CNTNAP4: variants seen among roughly 807,000 people sequenced by gnomAD.
CNTNAP4 encodes the protein contactin-associated protein-like 4.
A neutral mutation model predicts 148.4 loss-of-function variants in CNTNAP4; 98 were observed. That is an observed-to-expected ratio of 0.66 (90% CI 0.56 to 0.78). CNTNAP4 has a LOEUF of 0.78. Among genes scored for constraint, CNTNAP4 ranks in the 30% least tolerant of loss-of-function variants. The pLI, the probability that CNTNAP4 is intolerant of heterozygous loss-of-function variation, is 0.00. For missense variants in CNTNAP4, 1,935 were observed against 1,565.6 expected (o/e 1.24, Z -3.98); for synonymous variants, 730 against 565.1 (o/e 1.29, Z -4.14).
chr16:76,432,800 C>G (rs139488885), intron 4 of CNTNAP4, among the ~76,000 whole-genome samples: 2 of 152,198 alleles, frequency 1.3e-5, no homozygotes, highest in East Asian at 3.9e-4. Flanking sequence ...ATTTTGCAGC[C>G]TATGATCATC....
rs1258382929 is a variant in CNTNAP4 at position 76,522,090 on chromosome 16, T to C, written c.2588T>C (p.Ile863Thr). Reference sequence around the variant, plus strand: ...GATGTGGGGAATGGGCCTTTTGAAATCTCAGTGCAGTCACCCACCCACTTC... The same window carrying C: ...GATGTGGGGAATGGGCCTTTTGAAACCTCAGTGCAGTCACCCACCCACTTC... ...SFDVGNGPFE[I>T]SVQSPTHFND... is the part of the protein sequence containing the mutation. The change falls in exon 17 of 24, where the codon ATC becomes ACC. Residue 863 changes from isoleucine (I) to threonine (T), a missense_variant. Coordinates refer to ENST00000611870, the MANE Select transcript of CNTNAP4 (RefSeq NM_033401.5). The C allele has an allele frequency of 6.2e-7, 1 of 1,613,770 alleles. No homozygotes were observed. The highest frequency in any genetic ancestry group is 8.5e-7 in the Non-Finnish European group (1 of 1,179,870).
At position 76,341,365 on chromosome 16, in the gene CNTNAP4, A is replaced by G. The variant is rs539508452; in HGVS notation, c.197-13953A>G. On this transcript the variant is annotated intron_variant, in intron 2 of 23. Coordinates refer to ENST00000611870, the MANE Select transcript of CNTNAP4 (RefSeq NM_033401.5). ...CCCCCACCCAGTGACAAGCTGATAA[A>G]CAGTGAAATTATTTTTTAATTGAGT... Among the ~76,000 whole-genome samples the G allele has an allele frequency of 2.2e-4, 33 of 152,286 alleles. No individual in the cohort carries two copies. In the East Asian group the frequency reaches 3.5e-3, roughly 16 times the overall value.
In CNTNAP4 at chr16:76,535,713, G is replaced by T. The variant is rs1321961369; in HGVS notation, c.2924G>T (p.Cys975Phe). The change falls in exon 18 of 24, where the codon TGC becomes TTC. Residue 975 changes from cysteine (C) to phenylalanine (F), a missense_variant. Physicochemically the swap from Cys to Phe is radical, Grantham distance 205 (BLOSUM62 -2). Transcript: ENST00000611870. ...YGKLCRNGGK[C>F]RERPIGFFCD... ...AAGTTATGCCGCAATGGAGGGAAATGCAGAGAAAGACCCATTGGGTTCTTT... is the reference window on the plus strand; with the variant it reads ...AAGTTATGCCGCAATGGAGGGAAATTCAGAGAAAGACCCATTGGGTTCTTT... 1 of 1,613,958 alleles carries T rather than the reference G, an allele frequency of 6.2e-7. No individual in the cohort carries two copies. Among genetic ancestry groups the T allele is most frequent in the South Asian group, 1.1e-5 (1 of 91,084 alleles).
chr16:76,511,294 A>G (rs956629731), intron 15 of CNTNAP4, among the ~76,000 whole-genome samples: 4 of 152,188 alleles, frequency 2.6e-5, no homozygotes, highest in African/African-American at 7.2e-5. Context: ...GTTCCAAAAA[A>G]TTCTTGAGTC....
At chr16:76,311,476 TC>T (rs1228883661) in intron 1 of CNTNAP4, among the ~76,000 whole-genome samples, 1 of 152,220 alleles carries the variant, frequency 6.6e-6, no homozygotes, top group African/African-American at 2.4e-5. Context: ...CATATTTTTT[TC>T]TAATGTGGAT....
At chr16:76,548,404 C>T (rs150670617) in intron 21 of CNTNAP4, among the ~76,000 whole-genome samples, 35 of 144,362 alleles carry the variant, frequency 2.4e-4, no homozygotes, top group Middle Eastern at 3.8e-3. Context: ...TAAAGTACTT[C>T]GTTTTCTGAG....
chr16:76,450,275 G>A (rs1301511068), intron 7 of CNTNAP4, among the ~76,000 whole-genome samples: 1 of 151,934 alleles, frequency 6.6e-6, no homozygotes, highest in African/African-American at 2.4e-5. Flanking sequence ...TCAGCCTCCT[G>A]AGTAGCTGGG....
intron 14 of CNTNAP4, among the ~76,000 whole-genome samples, chr16:76,497,267 G>T (rs1042530962): frequency 6.6e-6 from 1 of 152,046 alleles, no homozygotes; most frequent in Non-Finnish European, 1.5e-5. Flanking sequence ...TGTGTGGAGG[G>T]GAGCAGCGTT....
intron 4 of CNTNAP4, among the ~76,000 whole-genome samples, chr16:76,434,751 C>T (rs1470453412): frequency 6.6e-6 from 1 of 152,202 alleles, no homozygotes; most frequent in Non-Finnish European, 1.5e-5. Flanking sequence ...ACCTCCCAGC[C>T]AGGAAGCCAA....
intron 17 of CNTNAP4, among the ~76,000 whole-genome samples, chr16:76,534,567 T>C (rs913989134): frequency 6.6e-6 from 1 of 152,114 alleles, no homozygotes. Context: ...GGACACAAAT[T>C]TATGTATGAA....
chr16:76,300,636 A>G (rs1310961393), intron 1 of CNTNAP4, among the ~76,000 whole-genome samples: 6 of 152,212 alleles, frequency 3.9e-5, no homozygotes, highest in Admixed American at 2.0e-4. Context: ...TCTGACCTTC[A>G]ATTTTTCATA....
chr16:76,496,667 A>G (rs1298916791), intron 14 of CNTNAP4, among the ~76,000 whole-genome samples: 2 of 152,198 alleles, frequency 1.3e-5, no homozygotes, highest in Non-Finnish European at 2.9e-5. Flanking sequence ...ATTTATTGTG[A>G]TAAGGCTGTG....
At chr16:76,320,054 T>C (rs2144129207) in intron 2 of CNTNAP4, among the ~76,000 whole-genome samples, 1 of 152,290 alleles carries the variant, frequency 6.6e-6, no homozygotes, top group East Asian at 1.9e-4. Flanking sequence ...TTTGAGGCAC[T>C]TGATAGAAAA....
At chr16:76,454,509 G>T (rs1174966263) in intron 8 of CNTNAP4, among the ~76,000 whole-genome samples, 1 of 152,044 alleles carries the variant, frequency 6.6e-6, no homozygotes, top group Non-Finnish European at 1.5e-5. Flanking sequence ...TAATCATAAG[G>T]ATACTAGACT....
At chr16:76,472,762 T>A (rs1160163991) in intron 10 of CNTNAP4, among the ~76,000 whole-genome samples, 4 of 152,102 alleles carry the variant, frequency 2.6e-5, no homozygotes, top group Non-Finnish European at 5.9e-5. Flanking sequence ...TGAGAACTCA[T>A]AGACACAAAA....
At position 76,538,343 on chromosome 16, in the gene CNTNAP4, G is replaced by A. The variant is rs753796715; in HGVS notation, c.3220+3G>A. 14 of 1,595,910 alleles carry A rather than the reference G, an allele frequency of 8.8e-6. No homozygotes were observed. Among genetic ancestry groups the A allele is most frequent in the African/African-American group, 2.7e-5 (2 of 74,078 alleles). The stretch of plus-strand genomic sequence containing the variant: ...TTCTGTGATCATTGCCAAAAATGGT[G>A]AGTTCTTTTTAGATGAGAGAGAGAA... On this transcript the variant is annotated splice_donor_region_variant and intron_variant, in intron 19 of 23. Transcript: ENST00000611870.
Position 76,282,620 on chromosome 16 carries a change from T to G in CNTNAP4, c.85+4873T>G, listed in dbSNP as rs1213736231. Reference sequence around the variant, plus strand: ...AATTGGCCAACTTTCTAGAATAAACTGAAAAATAGATTTTCATTTAAGCAC... The same window carrying G: ...AATTGGCCAACTTTCTAGAATAAACGGAAAAATAGATTTTCATTTAAGCAC... On this transcript the variant is annotated intron_variant, in intron 1 of 23. Coordinates refer to ENST00000611870, the MANE Select transcript of CNTNAP4 (RefSeq NM_033401.5). 7.2e-5 allele frequency among the ~76,000 whole-genome samples: 11 copies of G among 151,996 alleles called. No individual in the cohort carries two copies. In the East Asian group the frequency reaches 2.1e-3, roughly 29 times the overall value.
At chr16:76,426,107 T>C (rs899983507) in intron 3 of CNTNAP4, among the ~76,000 whole-genome samples, 1 of 152,128 alleles carries the variant, frequency 6.6e-6, no homozygotes, top group Non-Finnish European at 1.5e-5. Flanking sequence ...TATGTGAGCT[T>C]GAACATTTAG....
At chr16:76,376,091 G>A (rs2144664617) in intron 3 of CNTNAP4, among the ~76,000 whole-genome samples, 1 of 152,180 alleles carries the variant, frequency 6.6e-6, no homozygotes, top group Non-Finnish European at 1.5e-5. Flanking sequence ...GAGAGTTAGG[G>A]GGAGGGAGAG....
Sources: allele counts gnomAD v4.1 joint callset (sites outside exome capture counted in the v4.1 genomes callset), GRCh38; gene constraint gnomAD v4.1.1; transcripts MANE v1.5; gene names NCBI Gene and HGNC (gene_info 2026-07-23, HGNC 2026-07-21).